CHRNB4: variants seen among roughly 807,000 people sequenced by gnomAD.
The protein encoded by CHRNB4 is cholinergic receptor nicotinic beta 4 subunit, also known as neuronal acetylcholine receptor subunit beta-4.
CHRNB4 carries 23 observed loss-of-function variants against 40.4 expected under a neutral mutation model. The observed-to-expected ratio is 0.57, with a 90% CI of 0.41 to 0.81. The LOEUF is 0.81. CHRNB4 is among the 30% of genes least tolerant of loss of function. The pLI is 0.00. For missense variants in CHRNB4, 568 were observed against 670.6 expected, an observed-to-expected ratio of 0.85 and a Z score of 1.69; for synonymous variants, 285 against 274.4, an observed-to-expected ratio of 1.04 and a Z score of -0.38.
At chr15:78,661,256 C>T (rs1472402886), upstream of CHRNB4, 1 of 604,826 alleles carries the variant, frequency 1.7e-6, no homozygotes, top group East Asian at 4.2e-5. Flanking sequence ...AGGATCTTGC[C>T]CCCTGCCCCG....
chr15:78,637,210 CA>C, intron 1 of CHRNB4, among the ~76,000 whole-genome samples: 1 of 152,326 alleles, frequency 6.6e-6, no homozygotes, highest in African/African-American at 2.4e-5. Flanking sequence ...TGCCCCTCTG[CA>C]TACCCCCGAT....
chr15:78,625,594 C>T (rs2053633916), intron 5 of CHRNB4, among the ~76,000 whole-genome samples: 1 of 152,144 alleles, frequency 6.6e-6, no homozygotes, highest in Non-Finnish European at 1.5e-5. Flanking sequence ...GATTTGAAAA[C>T]AAAATCTGGT....
At chr15:78,655,021 T>C (rs2054200974) in intron 5 of CHRNB4, among the ~76,000 whole-genome samples, 1 of 152,208 alleles carries the variant, frequency 6.6e-6, no homozygotes, top group Admixed American at 6.5e-5. Flanking sequence ...ACAACTTGAT[T>C]AGTGTTGTTT....
At chr15:78,647,479 G>A (rs973845084) in intron 7 of CHRNB4, among the ~76,000 whole-genome samples, 13 of 151,802 alleles carry the variant, frequency 8.6e-5, no homozygotes, top group Admixed American at 6.6e-4. Context: ...TAGGAGTGAG[G>A]GGAATGGACA....
At chr15:78,632,170 TC>T (rs57058207) in intron 2 of CHRNB4, among the ~76,000 whole-genome samples, 118,591 of 131,688 alleles carry the variant, frequency 0.9, 54,360 homozygotes, top group Non-Finnish European at 0.99. Flanking sequence ...TTCTTTTCTT[TC>T]TCTTTCTTTC....
chr15:78,640,572 G>C lies in CHRNB4; in HGVS notation c.55+507C>G, dbSNP rs912297280. 9.8e-5 allele frequency among the ~76,000 whole-genome samples: 15 copies of C among 152,334 alleles called. No individual in the cohort carries two copies. The East Asian group carries it at 1.7e-3, about 18-fold the overall frequency. ...GCCCAGTGTCCCCATCTCTACCACC[G>C]CTGTGTGGGAGGGGACTTCTCTCTA... On this transcript the variant is annotated intron_variant, in intron 1 of 5. Transcript: ENST00000261751.
At chr15:78,631,048 CCA>C (rs1473764793) in intron 4 of CHRNB4, 26 bp downstream of exon 4, 1 of 1,589,686 alleles carries the variant, frequency 6.3e-7, no homozygotes, top group Non-Finnish European at 8.6e-7. Context: ...CTGGCTGTCA[CCA>C]GGCCTCCACC....
chr15:78,635,036 G>A (rs1470136264), intron 2 of CHRNB4, among the ~76,000 whole-genome samples: 1 of 152,174 alleles, frequency 6.6e-6, no homozygotes, highest in East Asian at 1.9e-4. Context: ...GTACCTATCA[G>A]TTCCCCCAGT....
rs759487570 is a variant in CHRNB4 at position 78,631,290 on chromosome 15, G to T, written c.247C>A (p.Gln83Lys). The T allele has an allele frequency of 6.2e-7, 1 of 1,614,130 alleles. No individual in the cohort carries two copies. The highest frequency in any genetic ancestry group is 2.2e-5 in the East Asian group (1 of 44,882). The stretch of plus-strand genomic sequence containing the variant: ...TCAGGGCCCTTCAGGGCACTTACCT[G>T]TTTCAGCCAGACATTGGTGGTCATG... ...QIMTTNVWLK[Q>K]EWTDYRLTWN... Residue 83 changes from glutamine to lysine, a missense_variant and splice_region_variant, in exon 3 of 6, where the codon CAG (glutamine) becomes AAG (lysine). This residue lies in a region of CHRNB4 where 161 missense variants were observed against 148.1 expected (regional missense o/e 1.09). Coordinates refer to ENST00000261751, the MANE Select transcript of CHRNB4 (RefSeq NM_000750.5).
intron 1 of CHRNB4, among the ~76,000 whole-genome samples, chr15:78,659,106 G>A (rs2054234043): frequency 6.6e-6 from 1 of 152,152 alleles, no homozygotes; most frequent in Admixed American, 6.5e-5. Flanking sequence ...TGGGTGGTGG[G>A]GGTGTAAGAT....
At chr15:78,644,640 A>T (rs2054108537), upstream of CHRNB4, among the ~76,000 whole-genome samples, 1 of 152,232 alleles carries the variant, frequency 6.6e-6, no homozygotes, top group Non-Finnish European at 1.5e-5. Flanking sequence ...ACAAATACAA[A>T]AATACTCAGG....
Position 78,658,742 on chromosome 15 carries a change from G to GA in CHRNB4, c.-850-374dup, listed in dbSNP as rs201564385. Among the ~76,000 whole-genome samples the GA allele has an allele frequency of 7.2e-3, 1,100 of 151,898 alleles. 12 individuals are homozygous for GA. Among genetic ancestry groups the GA allele is most frequent in the African/African-American group, 0.025 (1,040 of 41,448 alleles). On this transcript the variant is annotated intron_variant and NMD_transcript_variant, in intron 1 of 11. Coordinates refer to the CHRNB4 transcript ENST00000559849. ...ACAGCTACAAGATTTTGAAGAGGGG[G>GA]AAAAAAAAGCCTTTCTGCTAGGCCC...
Position 78,624,116 on chromosome 15 carries a change from T to G in CHRNB4, c.*1017A>C, listed in dbSNP as rs994398013. 4.6e-5 allele frequency: 7 copies of G among 152,242 alleles called. No homozygotes were observed. Among genetic ancestry groups the G allele is most frequent in the African/African-American group, 1.7e-4 (7 of 41,456 alleles). The allele number at this position is 152,242 out of a possible 1,614,324, so 9.4% of individuals were successfully genotyped here. A position where few individuals can be genotyped will look rare whatever the true frequency, so the allele number is the denominator to read the frequency against. On this transcript the variant is annotated 3_prime_UTR_variant, in exon 6 of 6. Transcript: ENST00000261751. The stretch of plus-strand genomic sequence containing the variant: ...GGAGGGGTAGGAGCCATTCATTCAT[T>G]CAACAAACATTTATTGAGCACCTAC...
chr15:78,631,341 G>A lies in CHRNB4; in HGVS notation c.205-9C>T. 4 of 1,613,228 alleles carry A rather than the reference G, an allele frequency of 2.5e-6. No homozygotes were observed. The highest frequency in any genetic ancestry group is 1.1e-5 in the South Asian group (1 of 91,016). On this transcript the variant is annotated splice_polypyrimidine_tract_variant and intron_variant, in intron 2 of 5. Transcript: ENST00000261751. The stretch of plus-strand genomic sequence containing the variant: ...ATCTGCTCTCGCTCATTCTGGGGAG[G>A]GAAACGGGGCTATCAGTTCACCAGG...
At chr15:78,642,098 G>A (rs145634337), upstream of CHRNB4, among the ~76,000 whole-genome samples, 529 of 152,314 alleles carry the variant, frequency 3.5e-3, 1 homozygote, top group African/African-American at 0.012. Context: ...GGAACCGCCT[G>A]TAAAAAGGCA....
At chr15:78,632,242 T>C in intron 2 of CHRNB4, among the ~76,000 whole-genome samples, 1 of 87,664 alleles carries the variant, frequency 1.1e-5, no homozygotes, top group African/African-American at 7.7e-5. Flanking sequence ...TCTCTCTCTC[T>C]CTCTCTCTCT....
At chr15:78,630,018 G>A (rs2053766326) in intron 4 of CHRNB4, 73 bp from the exon 5 acceptor site, 1 of 1,458,110 alleles carries the variant, frequency 6.9e-7, no homozygotes, top group African/African-American at 1.4e-5. Context: ...AGAACTCACT[G>A]AAGAGCCCTT....
At chr15:78,634,842 C>T in intron 2 of CHRNB4, 1 of 451,026 alleles carries the variant, frequency 2.2e-6, no homozygotes, top group Non-Finnish European at 4.5e-6. Context: ...GCACCTCCTC[C>T]CTCAGCACCC....
At chr15:78,641,649 G>A (rs1325258802), upstream of CHRNB4, among the ~76,000 whole-genome samples, 9 of 152,334 alleles carry the variant, frequency 5.9e-5, no homozygotes, top group East Asian at 1.7e-3. Context: ...GCGAGGGAGC[G>A]CTGCTCTCTG....
Sources: allele counts gnomAD v4.1 joint callset (sites outside exome capture counted in the v4.1 genomes callset), GRCh38; gene constraint gnomAD v4.1.1; regional missense constraint gnomAD v4.1.1; transcripts MANE v1.5; gene names NCBI Gene and HGNC (gene_info 2026-07-23, HGNC 2026-07-21).